The following NLGN1 variants were observed in gnomAD, a reference collection of about 807,000 sequenced individuals.
NLGN1 encodes the protein neuroligin 1, also known as neuroligin-1.
NLGN1 carries 12 observed loss-of-function variants against 65.5 expected under a neutral mutation model. The observed-to-expected ratio is 0.18, with a 90% CI of 0.12 to 0.30. The LOEUF (loss-of-function observed/expected upper bound fraction) is 0.30, where lower values mean the gene tolerates loss of function less well. Among genes scored for constraint, NLGN1 ranks in the 10% least tolerant of loss-of-function variants. The pLI, the probability that NLGN1 is intolerant of heterozygous loss-of-function variation, is 1.00. For missense variants in NLGN1, 750 were observed against 1,007.1 expected, an observed-to-expected ratio of 0.74 and a Z score of 3.46; for synonymous variants, 350 against 359.5, an observed-to-expected ratio of 0.97 and a Z score of 0.30.
At position 174,146,134 on chromosome 3, in the gene NLGN1, TTC is replaced by T. The variant is rs1420186130; in HGVS notation, c.647-129180_647-129179del. ...CTTCCTTCCTTCCTTCCTTCCTTCC[TTC>T]CTTCCTTCCTTCCTTCCTCTCTCCC... On this transcript the variant is annotated intron_variant, in intron 4 of 6. Coordinates refer to ENST00000457714, the Ensembl canonical transcript of NLGN1. Among the ~76,000 whole-genome samples the T allele has an allele frequency of 3.8e-3, 564 of 148,450 alleles. 3 individuals are homozygous for T. The highest frequency in any genetic ancestry group is 0.014 in the African/African-American group (535 of 38,474).
chr3:173,922,927 A>G (rs1742316386), intron 4 of NLGN1, among the ~76,000 whole-genome samples: 1 of 152,118 alleles, frequency 6.6e-6, no homozygotes, highest in South Asian at 2.1e-4. Context: ...AGTCCACTTC[A>G]TAAGCCTGTT....
At chr3:173,730,328 C>CG (rs1057263582) in intron 3 of NLGN1, among the ~76,000 whole-genome samples, 3 of 137,528 alleles carry the variant, frequency 2.2e-5, no homozygotes, top group African/African-American at 2.8e-5. Flanking sequence ...CCGCTCCCCC[C>CG]CCCCCGCAAA....
At chr3:173,762,438 TTGAG>T (rs1778106399) in intron 3 of NLGN1, among the ~76,000 whole-genome samples, 1 of 152,006 alleles carries the variant, frequency 6.6e-6, no homozygotes, top group African/African-American at 2.4e-5. Context: ...AACAAAATAT[TTGAG>T]TGATTAAAAT....
intron 4 of NLGN1, among the ~76,000 whole-genome samples, chr3:173,954,101 A>G (rs1285821846): frequency 6.6e-6 from 1 of 152,182 alleles, no homozygotes; most frequent in East Asian, 1.9e-4. Context: ...AAAATGTAAA[A>G]TATTATCATC....
At chr3:174,181,762 C>T (rs2152747191) in intron 4 of NLGN1, among the ~76,000 whole-genome samples, 1 of 136,348 alleles carries the variant, frequency 7.3e-6, no homozygotes, top group Non-Finnish European at 1.6e-5. Flanking sequence ...AACCCTGTCT[C>T]TCCAAAAAAT....
intron 3 of NLGN1, among the ~76,000 whole-genome samples, chr3:173,731,018 T>G (rs1446325886): frequency 6.6e-6 from 1 of 152,100 alleles, no homozygotes; most frequent in African/African-American, 2.4e-5. Context: ...ACCAAGGGGC[T>G]ATTCTGTCTC....
intron 4 of NLGN1, among the ~76,000 whole-genome samples, chr3:173,959,633 T>C (rs1385284665): frequency 6.6e-6 from 1 of 152,224 alleles, no homozygotes; most frequent in African/African-American, 2.4e-5. Flanking sequence ...AAAGCTCTGC[T>C]TGGTCAACTT....
intron 3 of NLGN1, among the ~76,000 whole-genome samples, chr3:173,784,018 G>A (rs1343461188): frequency 3.9e-5 from 6 of 152,120 alleles, no homozygotes; most frequent in Non-Finnish European, 8.8e-5. Context: ...TTCCCTAGAG[G>A]AATTTAACTT....
intron 4 of NLGN1, among the ~76,000 whole-genome samples, chr3:173,950,976 C>T (rs1461040199): frequency 6.6e-6 from 1 of 151,966 alleles, no homozygotes; most frequent in African/African-American, 2.4e-5. Flanking sequence ...AAGCGTTTCT[C>T]CTGACTCAGC....
chr3:173,875,869 A>T (rs1732008763), intron 4 of NLGN1, among the ~76,000 whole-genome samples: 1 of 152,188 alleles, frequency 6.6e-6, no homozygotes, highest in South Asian at 2.1e-4. Flanking sequence ...AAGCAACCTC[A>T]GATATGACTT....
intron 4 of NLGN1, among the ~76,000 whole-genome samples, chr3:174,191,273 G>T (rs1423973105): frequency 6.6e-6 from 1 of 152,066 alleles, no homozygotes; most frequent in South Asian, 2.1e-4. Context: ...CTCTATCAAA[G>T]TTCTACTTGC....
intron 4 of NLGN1, among the ~76,000 whole-genome samples, chr3:174,047,040 G>A (rs1579981619): frequency 6.6e-6 from 1 of 151,888 alleles, no homozygotes; most frequent in South Asian, 2.1e-4. Context: ...TAAAATAGAT[G>A]TTCATTAGGT....
intron 3 of NLGN1, among the ~76,000 whole-genome samples, chr3:173,655,351 A>G (rs1433466421): frequency 2.6e-5 from 4 of 152,098 alleles, no homozygotes; most frequent in Non-Finnish European, 5.9e-5. Flanking sequence ...GCCTAAATAT[A>G]TATATGAACC....
At chr3:174,189,593 A>AT (rs1732011760) in intron 4 of NLGN1, among the ~76,000 whole-genome samples, 1 of 151,956 alleles carries the variant, frequency 6.6e-6, no homozygotes, top group African/African-American at 2.4e-5. Context: ...TATGTCCATC[A>AT]TTCTTCAGCA....
intron 2 of NLGN1, among the ~76,000 whole-genome samples, chr3:173,566,508 T>C (rs1037181332): frequency 6.6e-6 from 1 of 152,164 alleles, no homozygotes; most frequent in Admixed American, 6.5e-5. Flanking sequence ...TTAATAAATT[T>C]GGAAAAAAAA....
chr3:173,615,181 C>G (rs923900541), intron 3 of NLGN1, among the ~76,000 whole-genome samples: 1 of 152,088 alleles, frequency 6.6e-6, no homozygotes, highest in Non-Finnish European at 1.5e-5. Flanking sequence ...GAAACTTTGA[C>G]TATTGCAAGT....
chr3:173,737,187 G>T (rs865993505), intron 3 of NLGN1, among the ~76,000 whole-genome samples: 2 of 151,458 alleles, frequency 1.3e-5, no homozygotes, highest in African/African-American at 4.8e-5. Flanking sequence ...ACTAGACAAC[G>T]AAAGACAACT....
intron 4 of NLGN1, among the ~76,000 whole-genome samples, chr3:174,221,471 T>C (rs900120863): frequency 6.6e-6 from 1 of 152,032 alleles, no homozygotes; most frequent in African/African-American, 2.4e-5. Flanking sequence ...TCCAAATAGG[T>C]CTTGGTCTTG....
intron 3 of NLGN1, among the ~76,000 whole-genome samples, chr3:173,803,303 A>G (rs1205676467): frequency 6.6e-6 from 1 of 152,152 alleles, no homozygotes. Context: ...AATGGTGCTA[A>G]TAATGCCTTC....
Sources: gnomAD v4.1 joint callset for allele counts (sites outside exome capture counted in the v4.1 genomes callset) on GRCh38, gnomAD v4.1.1 for gene constraint, MANE v1.5 for transcripts, NCBI Gene and HGNC (gene_info 2026-07-23, HGNC 2026-07-21) for gene names.